The following TTLL11 variants were observed in gnomAD, a reference collection of about 807,000 sequenced individuals.
TTLL11 encodes tubulin polyglutamylase TTLL11.
A neutral mutation model predicts 51.7 loss-of-function variants in TTLL11; 42 were observed. The observed-to-expected ratio is 0.81, with a 90% CI of 0.64 to 1.05. The LOEUF (loss-of-function observed/expected upper bound fraction) is 1.05, where lower values mean the gene tolerates loss of function less well. Among genes scored for constraint, TTLL11 ranks in the 50% least tolerant of loss-of-function variants. TTLL11 has a pLI of 0.00. For synonymous variants in TTLL11, 381 were observed against 383.5 expected (o/e 0.99, Z 0.08); for missense variants, 799 against 940.4 (o/e 0.85, Z 1.97).
chr9:121,897,797 C>T (rs1839597452), intron 6 of TTLL11, among the ~76,000 whole-genome samples: 1 of 152,188 alleles, frequency 6.6e-6, no homozygotes, highest in African/African-American at 2.4e-5. Flanking sequence ...GTACCGGGCA[C>T]AGCCTCTGCT....
At chr9:121,893,975 G>A (rs1156302625) in intron 6 of TTLL11, among the ~76,000 whole-genome samples, 3 of 152,138 alleles carry the variant, frequency 2.0e-5, no homozygotes, top group Non-Finnish European at 4.4e-5. Context: ...AAGGGGCTGG[G>A]CCACCACGAG....
chr9:121,954,436 A>G (rs1841956970), intron 6 of TTLL11, among the ~76,000 whole-genome samples: 1 of 152,264 alleles, frequency 6.6e-6, no homozygotes. Context: ...AAACCTTGTA[A>G]TATCACTCTT....
At chr9:121,920,746 G>C (rs888098823) in intron 6 of TTLL11, among the ~76,000 whole-genome samples, 3 of 152,168 alleles carry the variant, frequency 2.0e-5, no homozygotes, top group African/African-American at 7.2e-5. Flanking sequence ...AATTGGATAA[G>C]ACTCTATCCC....
intron 6 of TTLL11, among the ~76,000 whole-genome samples, chr9:121,889,833 G>A (rs749322312): frequency 6.6e-6 from 1 of 150,730 alleles, no homozygotes; most frequent in Non-Finnish European, 1.5e-5. Flanking sequence ...TCAGGAGGCG[G>A]AGGTTGCAGT....
chr9:122,011,126 A>C (rs1045273975), intron 3 of TTLL11, among the ~76,000 whole-genome samples: 1 of 152,186 alleles, frequency 6.6e-6, no homozygotes, highest in Non-Finnish European at 1.5e-5. Context: ...TGATGGTTTT[A>C]CAAGGAGTTT....
intron 6 of TTLL11, among the ~76,000 whole-genome samples, chr9:121,964,127 T>C (rs185993885): frequency 9.4e-5 from 14 of 149,286 alleles, no homozygotes; most frequent in Admixed American, 4.7e-4. Context: ...AACAACTCCA[T>C]AACAAACCTG....
chr9:122,056,863 T>C (rs1845302447), intron 1 of TTLL11, among the ~76,000 whole-genome samples: 1 of 152,132 alleles, frequency 6.6e-6, no homozygotes, highest in Admixed American at 6.5e-5. Context: ...AAAATTAACT[T>C]TTAGAAGAAC....
At chr9:121,862,305 G>A (rs1838037103) in intron 7 of TTLL11, among the ~76,000 whole-genome samples, 1 of 152,044 alleles carries the variant, frequency 6.6e-6, no homozygotes, top group African/African-American at 2.4e-5. Context: ...GTGACTGTGG[G>A]GAATTTACTT....
At chr9:121,862,955 G>A (rs1293769821) in intron 7 of TTLL11, among the ~76,000 whole-genome samples, 1 of 152,100 alleles carries the variant, frequency 6.6e-6, no homozygotes, top group African/African-American at 2.4e-5. Flanking sequence ...CACCCCTAAT[G>A]ACAGTGGCTG....
At chr9:122,006,794 T>C (rs1291514420) in intron 3 of TTLL11, among the ~76,000 whole-genome samples, 1 of 152,016 alleles carries the variant, frequency 6.6e-6, no homozygotes, top group Non-Finnish European at 1.5e-5. Context: ...AAGACCAGCC[T>C]GGCCATCATG....
At chr9:121,930,814 T>C (rs916370056) in intron 6 of TTLL11, among the ~76,000 whole-genome samples, 2 of 152,260 alleles carry the variant, frequency 1.3e-5, no homozygotes, top group East Asian at 1.9e-4. Flanking sequence ...TGAGGATATG[T>C]GTTTTAATGC....
chr9:122,031,341 A>G (rs1022626043), intron 3 of TTLL11, among the ~76,000 whole-genome samples: 2 of 152,094 alleles, frequency 1.3e-5, no homozygotes, highest in Non-Finnish European at 2.9e-5. Flanking sequence ...CTGACCTCCC[A>G]CATCTCAGGC....
chr9:122,028,464 T>C (rs1844419935), intron 3 of TTLL11, among the ~76,000 whole-genome samples: 1 of 152,096 alleles, frequency 6.6e-6, no homozygotes, highest in Non-Finnish European at 1.5e-5. Context: ...TCAGACAAAA[T>C]AGACTTCAGG....
At chr9:121,884,060 G>C (rs1193771569) in intron 6 of TTLL11, among the ~76,000 whole-genome samples, 1 of 152,240 alleles carries the variant, frequency 6.6e-6, no homozygotes, top group African/African-American at 2.4e-5. Context: ...GAGAATGCCA[G>C]ACACATCGCT....
Position 121,895,762 on chromosome 9 carries a change from T to TGTGTGTCCGTAAGTGTGGTTGTGTGGG in TTLL11, c.1482-25015_1482-25014insCCCACACAACCACACTTACGGACACAC, listed in dbSNP as rs1564293143. 8.4e-5 allele frequency among the ~76,000 whole-genome samples: 10 copies of TGTGTGTCCGTAAGTGTGGTTGTGTGGG among 118,846 alleles called. 2 individuals are homozygous for TGTGTGTCCGTAAGTGTGGTTGTGTGGG. Among genetic ancestry groups the TGTGTGTCCGTAAGTGTGGTTGTGTGGG allele is most frequent in the African/African-American group, 1.9e-4 (6 of 31,050 alleles). 78.0% of individuals were successfully genotyped at this position (118,846 alleles called of 152,430 possible). A position where few individuals can be genotyped will look rare whatever the true frequency, so the allele number is the denominator to read the frequency against. ...GCGTCCGTGTGGTTGTGTGTTATTG[T>TGTGTGTCCGTAAGTGTGGTTGTGTGGG]TTTGTGTTAGTGTGTGGGTGTGTGT... On this transcript the variant is annotated intron_variant, in intron 6 of 8. Coordinates refer to ENST00000321582, the MANE Select transcript of TTLL11 (RefSeq NM_001139442.2).
intron 1 of TTLL11, among the ~76,000 whole-genome samples, chr9:122,091,038 G>A (rs1368844139): frequency 6.6e-6 from 1 of 152,126 alleles, no homozygotes; most frequent in Non-Finnish European, 1.5e-5. Context: ...GGTTCCCAGG[G>A]CCCAGCAAAG....
At position 121,873,602 on chromosome 9, in the gene TTLL11, G is replaced by A. The variant is rs143009773; in HGVS notation, c.1482-2854C>T. ...GCTGCGATTACAGGCATGAGCCACC[G>A]TGCCCAGTCCCGCCTCCTCCTCCTC... On this transcript the variant is annotated intron_variant, in intron 6 of 8. Transcript: ENST00000321582. Among the ~76,000 whole-genome samples the A allele has an allele frequency of 9.3e-3, 1,403 of 151,156 alleles. 16 individuals carry two copies. Among genetic ancestry groups the A allele is most frequent in the Middle Eastern group, 0.02 (6 of 294 alleles).
At chr9:122,009,356 T>C (rs1843736954) in intron 3 of TTLL11, among the ~76,000 whole-genome samples, 1 of 152,112 alleles carries the variant, frequency 6.6e-6, no homozygotes, top group South Asian at 2.1e-4. Flanking sequence ...AAATGATAAT[T>C]TTATTAAGTA....
chr9:121,931,790 C>G (rs1357871095), intron 6 of TTLL11, among the ~76,000 whole-genome samples: 1 of 152,006 alleles, frequency 6.6e-6, no homozygotes, highest in Non-Finnish European at 1.5e-5. Flanking sequence ...GCCTGCTTTC[C>G]AGAGGAAGCC....
Sources: gnomAD v4.1 joint callset for allele counts (sites outside exome capture counted in the v4.1 genomes callset) on GRCh38, gnomAD v4.1.1 for gene constraint, MANE v1.5 for transcripts, NCBI Gene and HGNC (gene_info 2026-07-23, HGNC 2026-07-21) for gene names.